CCNY: variants seen among roughly 807,000 people sequenced by gnomAD.
The protein encoded by CCNY is cyclin-Y.
Under a neutral mutation model 42.8 loss-of-function variants are expected in CCNY, and 19 were observed. The observed-to-expected ratio is 0.44, with a 90% CI of 0.31 to 0.65. The LOEUF (loss-of-function observed/expected upper bound fraction) is 0.65, where lower values mean the gene tolerates loss of function less well. Among genes scored for constraint, CCNY ranks in the 30% least tolerant of loss-of-function variants. The pLI, the probability that CCNY is intolerant of heterozygous loss-of-function variation, is 0.07. For missense variants in CCNY, 370 were observed against 437.3 expected (o/e 0.85, Z 1.37); for synonymous variants, 165 against 162.7 (o/e 1.01, Z -0.11).
intron 1 of CCNY, among the ~76,000 whole-genome samples, chr10:35,451,371 T>C (rs1838911942): frequency 6.6e-6 from 1 of 152,234 alleles, no homozygotes; most frequent in Non-Finnish European, 1.5e-5. Flanking sequence ...TCTTCATGTA[T>C]ACTTGGGCAC....
intron 3 of CCNY, among the ~76,000 whole-genome samples, chr10:35,315,653 G>C (rs1202453713): frequency 6.6e-6 from 1 of 152,182 alleles, no homozygotes; most frequent in Non-Finnish European, 1.5e-5. Flanking sequence ...TGGGTCAAAT[G>C]ATAGTTCTAA....
intron 3 of CCNY, among the ~76,000 whole-genome samples, chr10:35,290,290 GC>G (rs1564359688): frequency 6.8e-6 from 1 of 147,876 alleles, no homozygotes; most frequent in East Asian, 2.0e-4. Context: ...CGCGGTATGC[GC>G]CTGTAATCCC....
At chr10:35,430,851 C>T (rs1838377727) in intron 1 of CCNY, among the ~76,000 whole-genome samples, 1 of 152,030 alleles carries the variant, frequency 6.6e-6, no homozygotes, top group Non-Finnish European at 1.5e-5. Context: ...TGGCTCATGC[C>T]TGTAATCCCA....
At chr10:35,490,310 T>C (rs1317059066) in intron 2 of CCNY, among the ~76,000 whole-genome samples, 3 of 152,236 alleles carry the variant, frequency 2.0e-5, no homozygotes, top group Admixed American at 6.5e-5. Context: ...AATTATGTAT[T>C]TCTTTATTTG....
chr10:35,461,059 C>A (rs1181835595), intron 1 of CCNY, among the ~76,000 whole-genome samples: 1 of 152,152 alleles, frequency 6.6e-6, no homozygotes, highest in Non-Finnish European at 1.5e-5. Context: ...GAGACGATGG[C>A]ATGGACAGCT....
chr10:35,567,200 A>AT (rs1418925795), intron 9 of CCNY, among the ~76,000 whole-genome samples: 1 of 152,054 alleles, frequency 6.6e-6, no homozygotes, highest in South Asian at 2.1e-4. Flanking sequence ...TCTGCTTTTT[A>AT]TTTTTTTTCC....
intron 7 of CCNY, among the ~76,000 whole-genome samples, chr10:35,552,485 C>A (rs1420744684): frequency 6.6e-6 from 1 of 152,162 alleles, no homozygotes; most frequent in East Asian, 1.9e-4. Context: ...AACCACCACA[C>A]TGCAGAAACA....
At chr10:35,334,748 G>A (rs1017121338), upstream of CCNY, among the ~76,000 whole-genome samples, 3 of 152,192 alleles carry the variant, frequency 2.0e-5, no homozygotes, top group African/African-American at 4.8e-5. Context: ...ACTAATAAAT[G>A]TATAAACAGT....
intron 7 of CCNY, among the ~76,000 whole-genome samples, chr10:35,543,231 G>A (rs1049414959): frequency 4.6e-5 from 7 of 152,148 alleles, no homozygotes; most frequent in Non-Finnish European, 1.0e-4. Context: ...GGACTCACAG[G>A]ACCCAGCATA....
At chr10:35,280,040 G>A (rs1835281864) in intron 3 of CCNY, among the ~76,000 whole-genome samples, 1 of 152,014 alleles carries the variant, frequency 6.6e-6, no homozygotes, top group Non-Finnish European at 1.5e-5. Flanking sequence ...CTATTGTTCA[G>A]ATCACCAAAG....
intron 1 of CCNY, among the ~76,000 whole-genome samples, chr10:35,419,798 T>G (rs763273599): frequency 1.3e-5 from 2 of 152,094 alleles, no homozygotes; most frequent in Non-Finnish European, 2.9e-5. Context: ...TATATAATAC[T>G]TTAGGTTTTG....
rs546064322 is a variant in CCNY at position 35,548,084 on chromosome 10, T to C, written c.580-4935T>C. On this transcript the variant is annotated intron_variant, in intron 7 of 9. Coordinates refer to ENST00000374704, the MANE Select transcript of CCNY (RefSeq NM_145012.6). ...GCATGGAACCCTGCACAGTTGAAAATCCACATGTAACTTTTGACCCCCCAA... is the reference window on the plus strand; with the variant it reads ...GCATGGAACCCTGCACAGTTGAAAACCCACATGTAACTTTTGACCCCCCAA... Among the ~76,000 whole-genome samples the C allele has an allele frequency of 2.6e-5, 4 of 152,138 alleles. No individual in the cohort carries two copies. The South Asian group carries it at 8.3e-4, about 32-fold the overall frequency.
At chr10:35,479,856 T>G (rs1839625363) in intron 1 of CCNY, among the ~76,000 whole-genome samples, 1 of 152,170 alleles carries the variant, frequency 6.6e-6, no homozygotes, top group African/African-American at 2.4e-5. Context: ...GGGATATCAT[T>G]TTTCCTGACT....
chr10:35,558,455 T>G (rs890064258), intron 8 of CCNY, among the ~76,000 whole-genome samples: 5 of 152,230 alleles, frequency 3.3e-5, no homozygotes, highest in African/African-American at 1.2e-4. Flanking sequence ...TGAATGCATA[T>G]CCCAGCTTGA....
intron 3 of CCNY, among the ~76,000 whole-genome samples, chr10:35,311,369 T>A (rs1185942401): frequency 1.3e-5 from 2 of 151,702 alleles, no homozygotes; most frequent in Non-Finnish European, 2.9e-5. Flanking sequence ...ATTTCAAATG[T>A]TCTTGATAAT....
At chr10:35,337,336 C>A in intron 1 of CCNY, 129 bp downstream of exon 1, 1 of 1,002,984 alleles carries the variant, frequency 1.0e-6, no homozygotes, top group Non-Finnish European at 1.3e-6. Context: ...GGGCTTCGCC[C>A]GCGCAGCCTA....
intron 3 of CCNY, among the ~76,000 whole-genome samples, chr10:35,326,684 G>C (rs907087115): frequency 1.3e-5 from 2 of 151,990 alleles, no homozygotes; most frequent in African/African-American, 4.8e-5. Context: ...CTAGGAGTTT[G>C]AGACCAGCCT....
chr10:35,337,492 G>C (rs916505062), intron 1 of CCNY, among the ~76,000 whole-genome samples: 2 of 152,110 alleles, frequency 1.3e-5, no homozygotes, highest in Non-Finnish European at 2.9e-5. Flanking sequence ...GACAGGAGCC[G>C]GCCCTCGTCC....
At chr10:35,356,408 G>A (rs1271757388) in intron 1 of CCNY, among the ~76,000 whole-genome samples, 1 of 152,152 alleles carries the variant, frequency 6.6e-6, no homozygotes. Flanking sequence ...AGTGGTTTTG[G>A]GAATTAACAC....
Sources: allele counts gnomAD v4.1 joint callset (sites outside exome capture counted in the v4.1 genomes callset), GRCh38; gene constraint gnomAD v4.1.1; transcripts MANE v1.5; gene names NCBI Gene and HGNC (gene_info 2026-07-23, HGNC 2026-07-21).